The following CNTNAP2 variants were observed in gnomAD, a reference collection of about 807,000 sequenced individuals.
The protein encoded by CNTNAP2 is contactin-associated protein-like 2.
CNTNAP2 carries 98 observed loss-of-function variants against 155.2 expected under a neutral mutation model. That is an observed-to-expected ratio of 0.63 (90% CI 0.54 to 0.75). The LOEUF is 0.75. CNTNAP2 is among the 30% of genes least tolerant of loss of function. The probability of loss-of-function intolerance (pLI) is 0.00; values close to 1 mark genes in which losing one functional copy is unlikely to be tolerated. For synonymous variants in CNTNAP2, 651 were observed against 631.2 expected (o/e 1.03, Z -0.47); for missense variants, 1,727 against 1,688.1 (o/e 1.02, Z -0.40).
At chr7:146,689,574 A>C (rs1349452273) in intron 1 of CNTNAP2, among the ~76,000 whole-genome samples, 1 of 151,876 alleles carries the variant, frequency 6.6e-6, no homozygotes, top group Non-Finnish European at 1.5e-5. Flanking sequence ...TATATCTGTC[A>C]CTCTCGTTTT....
rs1268189028 is a variant in CNTNAP2, at chr7:148,418,853, C to G, written c.*3237C>G. 2 of 152,228 alleles carry G rather than the reference C, an allele frequency of 1.3e-5. No homozygotes were observed. The highest frequency in any genetic ancestry group is 1.9e-4 in the East Asian group (1 of 5,200). 9.4% of individuals were successfully genotyped at this position (152,228 alleles called of 1,614,324 possible). On this transcript the variant is annotated 3_prime_UTR_variant, in exon 24 of 24. Transcript: ENST00000361727. ...GCATTTGACAAACAAGCATCCTTTA[C>G]TAACAAGAGCAGGAATTCAGAGGCA...
intron 1 of CNTNAP2, among the ~76,000 whole-genome samples, chr7:146,629,839 T>C (rs1799481502): frequency 6.6e-6 from 1 of 152,130 alleles, no homozygotes; most frequent in African/African-American, 2.4e-5. Context: ...AAATAATAGT[T>C]AACATAGGGA....
intron 3 of CNTNAP2, among the ~76,000 whole-genome samples, chr7:146,968,633 A>G (rs976950171): frequency 2.5e-4 from 38 of 151,566 alleles, no homozygotes; most frequent in African/African-American, 9.2e-4. Flanking sequence ...GGTAGTTTGT[A>G]TTTCTGTGGG....
At chr7:146,698,751 T>C (rs1585047377) in intron 1 of CNTNAP2, among the ~76,000 whole-genome samples, 1 of 152,124 alleles carries the variant, frequency 6.6e-6, no homozygotes, top group Non-Finnish European at 1.5e-5. Context: ...ATATATTATT[T>C]GCGTTATGCA....
intron 13 of CNTNAP2, among the ~76,000 whole-genome samples, chr7:147,860,621 C>T (rs74855206): frequency 0.032 from 4,817 of 149,208 alleles, 132 homozygotes; most frequent in Non-Finnish European, 0.052. Flanking sequence ...GCAGTTTCCT[C>T]CTTGCTCTCT....
chr7:146,786,161 C>G lies in CNTNAP2; in HGVS notation c.208+11780C>G, dbSNP rs980587409. On this transcript the variant is annotated intron_variant, in intron 2 of 23. Transcript: ENST00000361727. Reference sequence around the variant, plus strand: ...TTCAAACCTGAAAATTACAATTCCTCTATACCAAATGAGTGACTGTATTTT... The same window carrying G: ...TTCAAACCTGAAAATTACAATTCCTGTATACCAAATGAGTGACTGTATTTT... 5.9e-5 allele frequency among the ~76,000 whole-genome samples: 9 copies of G among 152,184 alleles called. No homozygotes were observed. In the East Asian group the frequency reaches 9.6e-4, roughly 16 times the overall value.
chr7:147,359,565 T>C (rs1397552606), intron 9 of CNTNAP2, among the ~76,000 whole-genome samples: 1 of 152,230 alleles, frequency 6.6e-6, no homozygotes, highest in African/African-American at 2.4e-5. Flanking sequence ...ATACAACAGG[T>C]CCTTGGAATG....
chr7:146,521,072 G>A (rs866644561), intron 1 of CNTNAP2, among the ~76,000 whole-genome samples: 8 of 151,856 alleles, frequency 5.3e-5, no homozygotes, highest in African/African-American at 1.9e-4. Context: ...TGGGGGTGGG[G>A]TCAAAGGGAA....
At chr7:146,579,187 T>C (rs2060951255) in intron 1 of CNTNAP2, among the ~76,000 whole-genome samples, 1 of 152,156 alleles carries the variant, frequency 6.6e-6, no homozygotes, top group African/African-American at 2.4e-5. Context: ...ACATAGCCAA[T>C]ATCTGATTCC....
Position 146,288,837 on chromosome 7 carries a change from C to T in CNTNAP2, c.97+171864C>T, listed in dbSNP as rs1800382497. Among the ~76,000 whole-genome samples, 3 of 100,138 alleles carry T rather than the reference C, an allele frequency of 3.0e-5. No homozygotes were observed. The South Asian group carries it at 1.0e-3, about 35-fold the overall frequency. 65.7% of individuals were successfully genotyped at this position (100,138 alleles called of 152,430 possible). On this transcript the variant is annotated intron_variant, in intron 1 of 23. Transcript: ENST00000361727. ...TTTTTTTTTTTGAGACAGAATCTAG[C>T]TTTGTTGCCCAGGCTGGAGTGTAGT...
rs1247326261 is a variant in CNTNAP2, at chr7:148,222,489, T to A, written c.3247+4965T>A. Among the ~76,000 whole-genome samples the A allele has an allele frequency of 2.6e-5, 4 of 152,200 alleles. No individual in the cohort carries two copies. The East Asian group carries it at 7.7e-4, about 29-fold the overall frequency. On this transcript the variant is annotated intron_variant, in intron 19 of 23. Transcript: ENST00000361727. Reference sequence around the variant, plus strand: ...GTTAATCCATTAACCCATTAATCCATGAATCTATGAATGGATCATTCCATG... The same window carrying A: ...GTTAATCCATTAACCCATTAATCCAAGAATCTATGAATGGATCATTCCATG...
At chr7:148,192,787 T>A (rs913450967) in intron 18 of CNTNAP2, among the ~76,000 whole-genome samples, 10 of 152,202 alleles carry the variant, frequency 6.6e-5, no homozygotes, top group Non-Finnish European at 1.3e-4. Context: ...AGTTCAGCAA[T>A]TCCTTTAGCT....
chr7:147,167,605 A>G (rs1363133135), intron 8 of CNTNAP2: 2 of 710,526 alleles, frequency 2.8e-6, no homozygotes, highest in Non-Finnish European at 4.6e-6. Flanking sequence ...CCAGCATCAG[A>G]AGTCTAGTTT....
At chr7:148,001,427 T>A (rs1444629576) in intron 15 of CNTNAP2, among the ~76,000 whole-genome samples, 1 of 152,204 alleles carries the variant, frequency 6.6e-6, no homozygotes, top group Non-Finnish European at 1.5e-5. Flanking sequence ...CCCATCACAT[T>A]GTTGTTATTG....
At chr7:146,817,382 G>C (rs1473937217) in intron 2 of CNTNAP2, among the ~76,000 whole-genome samples, 2 of 151,666 alleles carry the variant, frequency 1.3e-5, no homozygotes, top group Non-Finnish European at 2.9e-5. Context: ...TGAGGCAGGA[G>C]AATTGCTTGA....
intron 1 of CNTNAP2, among the ~76,000 whole-genome samples, chr7:146,250,386 A>G (rs939330293): frequency 5.3e-5 from 8 of 152,192 alleles, no homozygotes; most frequent in African/African-American, 1.7e-4. Context: ...TCACCACTGC[A>G]CTGACCTTTA....
At chr7:147,775,366 TATATATATATTTATATATATTTATAA>T (rs1563084699) in intron 13 of CNTNAP2, among the ~76,000 whole-genome samples, 1 of 34,950 alleles carries the variant, frequency 2.9e-5, no homozygotes, top group Non-Finnish European at 4.3e-5. Flanking sequence ...TATTTATAAA[TATATATATATTTATATATATTTATAA>T]ATATATATAT....
chr7:147,083,587 T>TAC (rs199678439), intron 4 of CNTNAP2, among the ~76,000 whole-genome samples: 2 of 144,436 alleles, frequency 1.4e-5, no homozygotes, highest in African/African-American at 5.2e-5. Context: ...TATATATATA[T>TAC]ACACACACAC....
intron 9 of CNTNAP2, among the ~76,000 whole-genome samples, chr7:147,375,873 C>T (rs1046634489): frequency 6.6e-6 from 1 of 152,132 alleles, no homozygotes. Flanking sequence ...GGAAGCAGAA[C>T]TATAATCAAC....
Sources: gnomAD v4.1 joint callset for allele counts (sites outside exome capture counted in the v4.1 genomes callset) on GRCh38, gnomAD v4.1.1 for gene constraint, MANE v1.5 for transcripts, NCBI Gene and HGNC (gene_info 2026-07-23, HGNC 2026-07-21) for gene names.